TEX14: variants seen among roughly 807,000 people sequenced by gnomAD.
The protein encoded by TEX14 is inactive serine/threonine-protein kinase TEX14.
In TEX14, 168 loss-of-function variants were observed where a neutral mutation model predicts 178.6. The ratio of observed to expected loss-of-function variants is 0.94; its 90% CI spans 0.83 to 1.07. TEX14 has a LOEUF of 1.07. Among genes scored for constraint, TEX14 ranks in the 50% least tolerant of loss-of-function variants. The probability of loss-of-function intolerance (pLI) is 0.00; values close to 1 mark genes in which losing one functional copy is unlikely to be tolerated. For synonymous variants in TEX14, 626 were observed against 634.1 expected (o/e 0.99, Z 0.19); for missense variants, 1,730 against 1,753.6 (o/e 0.99, Z 0.24).
intron 1 of TEX14, among the ~76,000 whole-genome samples, chr17:58,657,620 T>C (rs943700299): frequency 7.0e-6 from 1 of 143,158 alleles, no homozygotes; most frequent in Non-Finnish European, 1.5e-5. Flanking sequence ...GTTCAAACAA[T>C]TGAAACAGCC....
intron 2 of TEX14, among the ~76,000 whole-genome samples, chr17:58,650,694 A>G (rs2046822249): frequency 6.6e-6 from 1 of 151,508 alleles, no homozygotes; most frequent in African/African-American, 2.4e-5. Flanking sequence ...ACTGGTCTTG[A>G]ACTCCTGGCT....
At chr17:58,608,356 G>A (rs1159735463) in intron 10 of TEX14, among the ~76,000 whole-genome samples, 1 of 151,858 alleles carries the variant, frequency 6.6e-6, no homozygotes, top group Non-Finnish European at 1.5e-5. Flanking sequence ...GGCGGAGCTT[G>A]TAGTGAGCCG....
At chr17:58,594,471 C>T (rs1014629174) in intron 14 of TEX14, among the ~76,000 whole-genome samples, 1 of 151,994 alleles carries the variant, frequency 6.6e-6, no homozygotes, top group Admixed American at 6.6e-5. Context: ...ATGACTCAGC[C>T]TCCTGAGTAG....
At chr17:58,653,424 G>A (rs1468458325) in intron 1 of TEX14, among the ~76,000 whole-genome samples, 1 of 152,090 alleles carries the variant, frequency 6.6e-6, no homozygotes, top group African/African-American at 2.4e-5. Flanking sequence ...CTACTGCTAT[G>A]GTTTGAATGT....
At chr17:58,627,196 G>C (rs1016852169) in intron 3 of TEX14, among the ~76,000 whole-genome samples, 1 of 152,008 alleles carries the variant, frequency 6.6e-6, no homozygotes, top group Non-Finnish European at 1.5e-5. Flanking sequence ...TTAATACTAT[G>C]TACCATATTA....
intron 1 of TEX14, among the ~76,000 whole-genome samples, chr17:58,690,950 C>T (rs1395743686): frequency 6.6e-6 from 1 of 152,132 alleles, no homozygotes. Context: ...CACTCCCAGG[C>T]TGAAGGGATC....
At chr17:58,591,991 G>A (rs892929530) in intron 15 of TEX14, among the ~76,000 whole-genome samples, 2 of 151,468 alleles carry the variant, frequency 1.3e-5, no homozygotes, top group African/African-American at 2.4e-5. Flanking sequence ...CCCAGGAGGT[G>A]GAGTTTGCAG....
At chr17:58,561,781 T>C (rs573608605) in intron 28 of TEX14, among the ~76,000 whole-genome samples, 169 bp from the exon 29 acceptor site, 2 of 152,286 alleles carry the variant, frequency 1.3e-5, no homozygotes, top group Non-Finnish European at 2.9e-5. Flanking sequence ...AGAGGTCACT[T>C]AGATCTGACT....
chr17:58,559,885 G>A (rs541681039), intron 29 of TEX14, among the ~76,000 whole-genome samples: 1 of 152,250 alleles, frequency 6.6e-6, no homozygotes, highest in Admixed American at 6.5e-5. Flanking sequence ...CTTAGACTCT[G>A]CTTTCAACCA....
chr17:58,587,519 C>T (rs894065340), intron 17 of TEX14, 62 bp downstream of exon 17: 3 of 1,025,906 alleles, frequency 2.9e-6, no homozygotes, highest in Non-Finnish European at 3.0e-6. Context: ...GAAATATCAA[C>T]CACATTAGAA....
chr17:58,671,592 T>C (rs1365284377), intron 1 of TEX14, among the ~76,000 whole-genome samples: 1 of 152,102 alleles, frequency 6.6e-6, no homozygotes, highest in Non-Finnish European at 1.5e-5. Flanking sequence ...CTGTGGTCCA[T>C]TAAAAGCCAG....
At chr17:58,642,780 C>T (rs1251433354) in intron 2 of TEX14, among the ~76,000 whole-genome samples, 1 of 152,174 alleles carries the variant, frequency 6.6e-6, no homozygotes, top group Non-Finnish European at 1.5e-5. Context: ...AAACCTCTCA[C>T]CATCCATCCC....
At chr17:58,655,713 C>T (rs754457961) in intron 1 of TEX14, among the ~76,000 whole-genome samples, 1 of 152,086 alleles carries the variant, frequency 6.6e-6, no homozygotes, top group Admixed American at 6.6e-5. Flanking sequence ...AATGTCAGAA[C>T]CCTGACATTT....
At chr17:58,672,211 C>T (rs2047315412) in intron 1 of TEX14, among the ~76,000 whole-genome samples, 1 of 152,132 alleles carries the variant, frequency 6.6e-6, no homozygotes, top group Non-Finnish European at 1.5e-5. Flanking sequence ...ATGACATCAC[C>T]TCCTGCTGTG....
chr17:58,641,488 T>TTATTATTA (rs1555577863), intron 2 of TEX14, among the ~76,000 whole-genome samples: 15 of 143,642 alleles, frequency 1.0e-4, no homozygotes, highest in African/African-American at 3.3e-4. Context: ...TTCTCTTTTA[T>TTATTATTA]TTATTATTAT....
At chr17:58,557,087 G>C (rs771752677) in intron 31 of TEX14, 40 bp from the exon 32 acceptor site, 1 of 1,540,222 alleles carries the variant, frequency 6.5e-7, no homozygotes. Context: ...AGGAAGTTTC[G>C]AGTTGGTATG....
chr17:58,599,169 G>C lies in TEX14; in HGVS notation c.2176C>G (p.Leu726Val), dbSNP rs780533040. The change falls in exon 14 of 32, where the codon CTC (leucine) becomes GTC (valine). Residue 726 changes from leucine (L) to valine (V), a missense_variant. Physicochemically the swap from Leu to Val is conservative, Grantham distance 32. Transcript: ENST00000349033. Reference sequence around the variant, plus strand: ...AGATCCAGCACACACTTACTGATGAGATACTCCTCAGTCGTGGACATGTTG... The same window carrying C: ...AGATCCAGCACACACTTACTGATGACATACTCCTCAGTCGTGGACATGTTG... ...LNNMSTTEEY[L>V]ISKCVLDLKI... is the part of the protein sequence containing the mutation. The C allele has an allele frequency of 3.0e-5, 49 of 1,613,994 alleles. No individual in the cohort carries two copies. Among genetic ancestry groups the C allele is most frequent in the Non-Finnish European group, 4.0e-5 (47 of 1,180,046 alleles).
chr17:58,687,811 T>C (rs1598441959), intron 1 of TEX14, among the ~76,000 whole-genome samples: 1 of 152,152 alleles, frequency 6.6e-6, no homozygotes, highest in African/African-American at 2.4e-5. Context: ...TTAACAGCAA[T>C]AGGTCCTTCC....
Position 58,573,207 on chromosome 17 carries a change from G to GT in TEX14, c.3484dup (p.Thr1162AsnfsTer20). 6.2e-7 allele frequency: 1 copy of GT among 1,614,160 alleles called. No homozygotes were observed. The highest frequency in any genetic ancestry group is 8.5e-7 in the Non-Finnish European group (1 of 1,180,012). ...TGGGCTGAGTGGAGTGCTGACACTG[G>GT]TAGGTGCATGGTTTATTTTGGGTGT... On this transcript the variant is annotated frameshift_variant, in exon 23 of 32. Coordinates refer to ENST00000349033, the MANE Select transcript of TEX14 (RefSeq NM_031272.5). LOFTEE classifies it high-confidence loss of function.
Sources: gnomAD v4.1 joint callset for allele counts (sites outside exome capture counted in the v4.1 genomes callset) on GRCh38, gnomAD v4.1.1 for gene constraint, MANE v1.5 for transcripts, NCBI Gene and HGNC (gene_info 2026-07-23, HGNC 2026-07-21) for gene names.